The following KLHDC8B variants were observed in gnomAD, a reference collection of about 807,000 sequenced individuals.
KLHDC8B encodes kelch domain containing 8B.
KLHDC8B carries 19 observed loss-of-function variants against 26.3 expected under a neutral mutation model. That is an observed-to-expected ratio of 0.72 (90% confidence interval 0.50 to 1.06). The LOEUF is 1.06. Among genes scored for constraint, KLHDC8B ranks in the 50% least tolerant of loss-of-function variants. The pLI is 0.00. For missense variants in KLHDC8B, 411 were observed against 488.1 expected (o/e 0.84, Z 1.49); for synonymous variants, 150 against 188.4 (o/e 0.80, Z 1.67).
At chr3:49,171,707 C>T (rs1428012907) in intron 1 of KLHDC8B, 22 bp downstream of exon 1, 1 of 152,360 alleles carries the variant, frequency 6.6e-6, no homozygotes, top group Non-Finnish European at 1.5e-5. Context: ...GGGAACCGCG[C>T]TCAGGGGAAG....
intron 2 of KLHDC8B, 81 bp from the exon 3 acceptor site, chr3:49,174,158 C>T (rs1575548745): frequency 9.1e-7 from 1 of 1,103,918 alleles, no homozygotes; most frequent in Non-Finnish European, 1.3e-6. Flanking sequence ...TCCAGCCACC[C>T]CCAGGACTTA....
rs2045814794 is a variant in KLHDC8B at position 49,175,165 on chromosome 3, T to C, written c.868+2T>C. The stretch of plus-strand genomic sequence containing the variant: ...ACATTGTGGCCATTGGGGGCCTTGG[T>C]AAGTCTCTATGGGGCTGGGGAGAGG... On this transcript the variant is annotated splice_donor_variant, in intron 5 of 5. Transcript: ENST00000332780. LOFTEE classifies it high-confidence loss of function. The C allele has an allele frequency of 6.2e-7, 1 of 1,612,234 alleles. No individual in the cohort carries two copies. Among genetic ancestry groups the C allele is most frequent in the Non-Finnish European group, 8.5e-7 (1 of 1,178,630 alleles).
rs1225507520 is a variant in KLHDC8B at position 49,172,723 on chromosome 3, C to T, written c.-47C>T. On this transcript the variant is annotated 5_prime_UTR_variant, in exon 2 of 6. Coordinates refer to ENST00000332780, the MANE Select transcript of KLHDC8B (RefSeq NM_173546.3). ...GCCCTGTCATGCCTCCCCAGTGAGG[C>T]CTACAGTCTGAGCAGACAGCATGGC... The T allele has an allele frequency of 6.4e-7, 1 of 1,573,598 alleles. No homozygotes were observed. The highest frequency in any genetic ancestry group is 2.2e-5 in the East Asian group (1 of 44,592).
In KLHDC8B at chr3:49,173,048, G is replaced by A. The variant is rs556212641; in HGVS notation, c.279G>A (p.Pro93=). ...GTGGTGTGGATGAGGTCCAGAGCCC[G>A]GTAGCTGCTGTAGAGGCCTTCCTGA... is the stretch of plus-strand genomic sequence containing the variant. ...VVGGVDEVQS[P]VAAVEAFLMD... is the part of the protein sequence containing the mutation. The change falls in exon 2 of 6, where the codon CCG becomes CCA. Residue 93 remains proline, a synonymous_variant. Transcript: ENST00000332780. 5.1e-4 allele frequency: 829 copies of A among 1,609,774 alleles called. 16 individuals carry two copies. The South Asian group carries it at 6.5e-3, about 13-fold the overall frequency.
At position 49,175,636 on chromosome 3, in the gene KLHDC8B, G is replaced by A; in HGVS notation, c.900G>A (p.Glu300=). The A allele has an allele frequency of 6.3e-7, 1 of 1,586,450 alleles. No individual in the cohort carries two copies. Among genetic ancestry groups the A allele is most frequent in the Non-Finnish European group, 8.6e-7 (1 of 1,165,492 alleles). The stretch of plus-strand genomic sequence containing the variant: ...AGCCATGTCCTTTGGGCTCTGTGGA[G>A]AGCTTTAGCCTTGCACGGCGGCGCT... The part of the protein sequence containing the change: ...GNQPCPLGSV[E]SFSLARRRWE... The change falls in exon 6 of 6, where the codon GAG becomes GAA. Residue 300 remains glutamate, a synonymous_variant. Coordinates refer to ENST00000332780, the MANE Select transcript of KLHDC8B (RefSeq NM_173546.3).
intron 2 of KLHDC8B, 33 bp from the exon 3 acceptor site, chr3:49,174,206 G>A (rs1463068093): frequency 6.4e-7 from 1 of 1,554,766 alleles, no homozygotes; most frequent in African/African-American, 1.4e-5. Context: ...CTGGCAGGCT[G>A]AGGTACAATC....
In KLHDC8B at chr3:49,175,622, T is replaced by C. The variant is rs750916464; in HGVS notation, c.886T>C (p.Leu296=). 1.3e-6 allele frequency: 2 copies of C among 1,569,524 alleles called. No individual in the cohort carries two copies. The highest frequency in any genetic ancestry group is 4.5e-5 in the East Asian group (2 of 44,474). The part of the protein sequence containing the change: ...IGGLGNQPCP[L]GSVESFSLAR... ...TCTTGCAGGAAACCAGCCATGTCCT[T>C]TGGGCTCTGTGGAGAGCTTTAGCCT... The change falls in exon 6 of 6, where the codon TTG becomes CTG. Residue 296 remains leucine, a synonymous_variant. Coordinates refer to ENST00000332780, the MANE Select transcript of KLHDC8B (RefSeq NM_173546.3).
chr3:49,173,318 A>G (rs1456245546), intron 2 of KLHDC8B, 173 bp downstream of exon 2: 5 of 708,262 alleles, frequency 7.1e-6, no homozygotes, highest in East Asian at 2.7e-5. Flanking sequence ...GCTGCCTTCT[A>G]TTAACTGCCT....
intron 3 of KLHDC8B, 102 bp downstream of exon 3, chr3:49,174,505 C>A: frequency 7.5e-7 from 1 of 1,332,190 alleles, no homozygotes; most frequent in Non-Finnish European, 1.0e-6. Context: ...GATGGCAAAA[C>A]AAGAGAAGCT....
At position 49,176,408 on chromosome 3, in the gene KLHDC8B, C is replaced by G. The variant is rs2045829775; in HGVS notation, c.*607C>G. On this transcript the variant is annotated 3_prime_UTR_variant, in exon 6 of 6. Coordinates refer to ENST00000332780, the MANE Select transcript of KLHDC8B (RefSeq NM_173546.3). ...TATAAATGGGGATCTCTGAAACCTT[C>G]CTACCCTACCTACCTCACAGGGCTG... is the stretch of plus-strand genomic sequence containing the variant. 3.3e-5 allele frequency: 5 copies of G among 152,798 alleles called. No individual in the cohort carries two copies. The highest frequency in any genetic ancestry group is 1.3e-4 in the Admixed American group (2 of 15,294). 9.5% of individuals were successfully genotyped at this position (152,798 alleles called of 1,614,324 possible).
chr3:49,174,460 T>G (rs2045801747), intron 3 of KLHDC8B, 57 bp downstream of exon 3: 1 of 1,554,320 alleles, frequency 6.4e-7, no homozygotes, highest in East Asian at 2.3e-5. Context: ...CTCATCCTCA[T>G]AGGTTGGCTG....
Position 49,172,625 on chromosome 3 carries a change from C to T in KLHDC8B, c.-134-11C>T. ...CAGTGCCCTGACCCCTGTTTTCCCT[C>T]TTTCCTCCAGGTGAAGGCAAGGTCC... On this transcript the variant is annotated splice_polypyrimidine_tract_variant and intron_variant, in intron 1 of 5. Transcript: ENST00000332780. The T allele has an allele frequency of 2.6e-6, 2 of 766,448 alleles. No homozygotes were observed. Among genetic ancestry groups the T allele is most frequent in the South Asian group, 3.7e-5 (2 of 54,322 alleles). 47.5% of individuals were successfully genotyped at this position (766,448 alleles called of 1,614,324 possible).
At position 49,176,016 on chromosome 3, in the gene KLHDC8B, G is replaced by A. The variant is rs139491293; in HGVS notation, c.*215G>A. The A allele has an allele frequency of 2.3e-4, 134 of 571,362 alleles. No individual in the cohort carries two copies. Among genetic ancestry groups the A allele is most frequent in the African/African-American group, 2.1e-3 (109 of 52,958 alleles). 35.4% of individuals were successfully genotyped at this position (571,362 alleles called of 1,614,324 possible). A position where few individuals can be genotyped will look rare whatever the true frequency, so the allele number is the denominator to read the frequency against. On this transcript the variant is annotated 3_prime_UTR_variant, in exon 6 of 6. Coordinates refer to ENST00000332780, the MANE Select transcript of KLHDC8B (RefSeq NM_173546.3). ...CTTACACCTACCTTTATCACCATTC[G>A]TTCATGAATCATGCCTAGCTCCATC...
chr3:49,174,143 G>C (rs1057401725), intron 2 of KLHDC8B, 96 bp from the exon 3 acceptor site: 7 of 827,148 alleles, frequency 8.5e-6, no homozygotes, highest in Middle Eastern at 2.6e-4. Flanking sequence ...ATAAACACAT[G>C]GGTCTCCAGC....
In KLHDC8B at chr3:49,175,612, G is replaced by A. The variant is rs764431035; in HGVS notation, c.876G>A (p.Gln292=). The change falls in exon 6 of 6, where the codon CAG becomes CAA. Residue 292 remains glutamine (Q), a synonymous_variant. Transcript: ENST00000332780. ...TCTCTCTCCTTCTTGCAGGAAACCA[G>A]CCATGTCCTTTGGGCTCTGTGGAGA... ...HIVAIGGLGN[Q]PCPLGSVESF... is the part of the protein sequence containing the mutation. The A allele has an allele frequency of 7.7e-6, 12 of 1,551,000 alleles. No individual in the cohort carries two copies. In the African/African-American group the frequency reaches 1.6e-4, roughly 21 times the overall value.
At chr3:49,175,027 G>A in intron 4 of KLHDC8B, 35 bp from the exon 5 acceptor site, 1 of 1,613,936 alleles carries the variant, frequency 6.2e-7, no homozygotes, top group Non-Finnish European at 8.5e-7. Flanking sequence ...GGCATAGTGT[G>A]TACATGACTA....
At position 49,172,955 on chromosome 3, in the gene KLHDC8B, G is replaced by A. The variant is rs755054855; in HGVS notation, c.186G>A (p.Leu62=). The change falls in exon 2 of 6, where the codon CTG becomes CTA. Residue 62 remains leucine (L), a synonymous_variant. Coordinates refer to ENST00000332780, the MANE Select transcript of KLHDC8B (RefSeq NM_173546.3). ...LDMASHTWLA[L]APLPTARAGA... is the part of the protein sequence containing the mutation. Reference sequence around the variant, plus strand: ...TGGCCTCGCACACATGGCTGGCACTGGCACCCCTGCCCACTGCCCGGGCTG... The same window carrying A: ...TGGCCTCGCACACATGGCTGGCACTAGCACCCCTGCCCACTGCCCGGGCTG... 1.2e-6 allele frequency: 2 copies of A among 1,614,024 alleles called. No homozygotes were observed. Among genetic ancestry groups the A allele is most frequent in the Admixed American group, 1.7e-5 (1 of 60,020 alleles).
Position 49,174,366 on chromosome 3 carries a change from C to G in KLHDC8B, c.504C>G (p.Ala168=), listed in dbSNP as rs1350078916. The G allele has an allele frequency of 1.2e-6, 2 of 1,613,810 alleles. No homozygotes were observed. Among genetic ancestry groups the G allele is most frequent in the African/African-American group, 2.7e-5 (2 of 74,918 alleles). The change falls in exon 3 of 6, where the codon GCC becomes GCG. Residue 168 remains alanine (A), a synonymous_variant. Transcript: ENST00000332780. ...CCATGCCCACACCCTGCTATGGGGC[C>G]TCCACCTTCCTGCACGGGAACAAGA... is the stretch of plus-strand genomic sequence containing the variant. ...LPSMPTPCYG[A]STFLHGNKIY...
At position 49,172,647 on chromosome 3, in the gene KLHDC8B, G is replaced by T; in HGVS notation, c.-123G>T. The T allele has an allele frequency of 1.0e-6, 1 of 967,308 alleles. No individual in the cohort carries two copies. Among genetic ancestry groups the T allele is most frequent in the Non-Finnish European group, 1.5e-6 (1 of 656,670 alleles). 59.9% of individuals were successfully genotyped at this position (967,308 alleles called of 1,614,324 possible). ...CCTCTTTCCTCCAGGTGAAGGCAAG[G>T]TCCCTGGACTGGTCATATACCTCTT... On this transcript the variant is annotated 5_prime_UTR_variant, in exon 2 of 6. Transcript: ENST00000332780.
Sources: gnomAD v4.1 joint callset for allele counts on GRCh38, gnomAD v4.1.1 for gene constraint, MANE v1.5 for transcripts, NCBI Gene and HGNC (gene_info 2026-07-23, HGNC 2026-07-21) for gene names.